CALN1: variants seen among roughly 807,000 people sequenced by gnomAD.
CALN1 encodes calcium-binding protein 8.
CALN1 carries 17 observed loss-of-function variants against 30.6 expected under a neutral mutation model. That is an observed-to-expected ratio of 0.56 (90% CI 0.38 to 0.83). The LOEUF is 0.83. Ranked by LOEUF, CALN1 falls within the 40% of genes least tolerant of loss-of-function variation. The pLI is 0.00. For synonymous variants in CALN1, 156 were observed against 131.4 expected, an observed-to-expected ratio of 1.19 and a Z score of -1.28; for missense variants, 291 against 354.9, an observed-to-expected ratio of 0.82 and a Z score of 1.45.
chr7:71,971,948 A>G lies in CALN1; in HGVS notation c.501+51709T>C, dbSNP rs1383786898. ...CCTGTCTCAAAAAAAAAAAAAAAAAAAAAAAAAAGAAAGAAAGAAAGAAAG... is the reference window on the plus strand; with the variant it reads ...CCTGTCTCAAAAAAAAAAAAAAAAAGAAAAAAAAGAAAGAAAGAAAGAAAG... On this transcript the variant is annotated intron_variant, in intron 5 of 6. Transcript: ENST00000395275. 2.3e-4 allele frequency among the ~76,000 whole-genome samples: 27 copies of G among 116,908 alleles called. 1 individual carries two copies. Among genetic ancestry groups the G allele is most frequent in the African/African-American group, 9.6e-4 (23 of 23,870 alleles). 76.7% of individuals were successfully genotyped at this position (116,908 alleles called of 152,430 possible).
chr7:71,860,405 C>G (rs1791205763), intron 5 of CALN1, among the ~76,000 whole-genome samples: 1 of 152,164 alleles, frequency 6.6e-6, no homozygotes, highest in Non-Finnish European at 1.5e-5. Flanking sequence ...GCTGGCCAAG[C>G]TGGTCTTGAA....
intron 2 of CALN1, among the ~76,000 whole-genome samples, chr7:72,348,856 A>C (rs1331837562): frequency 6.6e-6 from 1 of 152,234 alleles, no homozygotes; most frequent in East Asian, 1.9e-4. Context: ...TTCAAAGGAC[A>C]AAAGCAAAAT....
intron 2 of CALN1, among the ~76,000 whole-genome samples, chr7:72,392,945 G>A (rs934455435): frequency 1.3e-5 from 2 of 152,010 alleles, no homozygotes; most frequent in Admixed American, 1.3e-4. Flanking sequence ...GCTGCAATGA[G>A]CTATGATCTC....
intron 2 of CALN1, among the ~76,000 whole-genome samples, chr7:72,283,780 G>A (rs1251688410): frequency 6.6e-6 from 1 of 152,198 alleles, no homozygotes; most frequent in Non-Finnish European, 1.5e-5. Flanking sequence ...TCAGGTGTGA[G>A]CAGCAAAGCA....
chr7:72,094,505 C>T (rs1441330508), intron 4 of CALN1, among the ~76,000 whole-genome samples: 2 of 152,168 alleles, frequency 1.3e-5, no homozygotes, highest in African/African-American at 4.8e-5. Context: ...CTGCCTGCCT[C>T]AGCCTCCCAA....
chr7:72,226,371 G>A lies in CALN1; in HGVS notation c.244+52315C>T, dbSNP rs756526485. On this transcript the variant is annotated intron_variant, in intron 3 of 6. Transcript: ENST00000395275. ...GGCTAACTCTGCCTACCTGGCAGGG[G>A]TGACATAATGACCCAATGCATAGTC... Among the ~76,000 whole-genome samples the A allele has an allele frequency of 4.2e-4, 63 of 151,618 alleles. 1 individual carries two copies. Among genetic ancestry groups the A allele is most frequent in the Non-Finnish European group, 1.0e-4 (7 of 67,976 alleles).
intron 2 of CALN1, among the ~76,000 whole-genome samples, chr7:72,360,023 A>T: frequency 6.7e-6 from 1 of 149,986 alleles, no homozygotes; most frequent in East Asian, 2.0e-4. Flanking sequence ...CAAAAATGTG[A>T]ATGTCCCAAA....
chr7:72,091,122 A>G (rs1348883836), intron 4 of CALN1, among the ~76,000 whole-genome samples: 1 of 152,116 alleles, frequency 6.6e-6, no homozygotes, highest in African/African-American at 2.4e-5. Flanking sequence ...TGAGGTTTGG[A>G]ATTTGAGGCC....
rs140500681 is a variant in CALN1, at chr7:72,057,817, G to A, written c.389-34048C>T. Among the ~76,000 whole-genome samples the A allele has an allele frequency of 5.7e-3, 868 of 152,158 alleles. 1 individual carries two copies. Among genetic ancestry groups the A allele is most frequent in the Non-Finnish European group, 9.1e-3 (616 of 68,006 alleles). ...TCCCCTATTTTGGTGTGGTCTTATC[G>A]TTTCTGTATTGGCATGAAATATGTT... On this transcript the variant is annotated intron_variant, in intron 4 of 6. Transcript: ENST00000395275.
intron 2 of CALN1, among the ~76,000 whole-genome samples, chr7:72,325,737 C>A (rs1307532962): frequency 1.3e-5 from 2 of 152,144 alleles, no homozygotes; most frequent in African/African-American, 4.8e-5. Flanking sequence ...GAAAACCACC[C>A]ATCTCTGCTG....
At chr7:72,007,930 A>G (rs1156898631) in intron 5 of CALN1, among the ~76,000 whole-genome samples, 1 of 152,202 alleles carries the variant, frequency 6.6e-6, no homozygotes, top group African/African-American at 2.4e-5. Flanking sequence ...ATGGCAGGCA[A>G]TATCAAATAC....
chr7:72,388,996 C>T (rs1719846562), intron 2 of CALN1, among the ~76,000 whole-genome samples: 2 of 152,338 alleles, frequency 1.3e-5, no homozygotes, highest in African/African-American at 2.4e-5. Flanking sequence ...CAGCAGGCCA[C>T]GTCCATCCTC....
chr7:72,342,279 A>G (rs185923731), intron 2 of CALN1, among the ~76,000 whole-genome samples: 2 of 146,782 alleles, frequency 1.4e-5, no homozygotes, highest in Non-Finnish European at 3.0e-5. Flanking sequence ...AAAAAAAATC[A>G]GAAACACAAA....
chr7:71,795,943 C>T (rs1786886776), intron 6 of CALN1, among the ~76,000 whole-genome samples: 2 of 151,390 alleles, frequency 1.3e-5, no homozygotes. Flanking sequence ...CTCAGCCTCC[C>T]GAGTAGCTGG....
At chr7:72,502,067 G>A in the CALN1 span, among the ~76,000 whole-genome samples, 6 of 145,010 alleles carry the variant, frequency 4.1e-5, no homozygotes, top group African/African-American at 1.5e-4. Context: ...AATTATTATT[G>A]TTTCTTTGCC....
intron 6 of CALN1, among the ~76,000 whole-genome samples, chr7:71,805,412 G>A (rs2116121314): frequency 6.6e-6 from 1 of 152,228 alleles, no homozygotes; most frequent in East Asian, 1.9e-4. Flanking sequence ...GGGGTTGCGA[G>A]GAGGATTCAG....
intron 1 of CALN1, among the ~76,000 whole-genome samples, chr7:72,436,877 C>G (rs1808177183): frequency 6.6e-6 from 1 of 152,058 alleles, no homozygotes; most frequent in Non-Finnish European, 1.5e-5. Flanking sequence ...TCTAGATGAG[C>G]CTGGGCAACA....
intron 5 of CALN1, among the ~76,000 whole-genome samples, chr7:71,945,455 T>C (rs10226167): frequency 0.81 from 123,836 of 152,212 alleles, 50,611 homozygotes; most frequent in African/African-American, 0.85. Context: ...GCAGGGCTCC[T>C]CATCGCCCAG....
chr7:72,378,761 T>G (rs556606548), intron 2 of CALN1, among the ~76,000 whole-genome samples: 2 of 152,148 alleles, frequency 1.3e-5, no homozygotes, highest in Admixed American at 6.5e-5. Context: ...AGAGACGAAG[T>G]TTCACCATGT....
Sources: gnomAD v4.1 joint callset for allele counts (sites outside exome capture counted in the v4.1 genomes callset) on GRCh38, gnomAD v4.1.1 for gene constraint, MANE v1.5 for transcripts, NCBI Gene and HGNC (gene_info 2026-07-23, HGNC 2026-07-21) for gene names.